RGS7: variants seen among roughly 807,000 people sequenced by gnomAD.
The protein encoded by RGS7 is regulator of G-protein signaling 7.
In RGS7, 27 loss-of-function variants were observed where a neutral mutation model predicts 81.1. The ratio of observed to expected loss-of-function variants is 0.33; its 90% CI spans 0.25 to 0.46. RGS7 has a LOEUF of 0.46. Ranked by LOEUF, RGS7 falls within the 20% of genes least tolerant of loss-of-function variation. The pLI, the probability that RGS7 is intolerant of heterozygous loss-of-function variation, is 1.00. For missense variants in RGS7, 396 were observed against 607.4 expected (o/e 0.65, Z 3.66); for synonymous variants, 208 against 207.7 (o/e 1.00, Z -0.01).
chr1:241,176,031 A>G (rs4660039), intron 2 of RGS7, among the ~76,000 whole-genome samples: 70,798 of 151,670 alleles, frequency 0.47, 16,717 homozygotes, highest in Middle Eastern at 0.52. Flanking sequence ...CACTTTACAA[A>G]TAGGACCTCG....
chr1:241,100,092 T>C (rs1012788405), intron 2 of RGS7, among the ~76,000 whole-genome samples: 10 of 152,092 alleles, frequency 6.6e-5, no homozygotes, highest in African/African-American at 2.4e-4. Context: ...CAAATTTCCA[T>C]TGGCCGGGCG....
chr1:240,882,987 T>A (rs261835), intron 6 of RGS7, among the ~76,000 whole-genome samples: 1 of 150,744 alleles, frequency 6.6e-6, no homozygotes, highest in East Asian at 1.9e-4. Flanking sequence ...TGAGAACATG[T>A]GGTGTTTGGT....
intron 2 of RGS7, among the ~76,000 whole-genome samples, chr1:241,205,653 G>A (rs1355179917): frequency 6.6e-6 from 1 of 151,576 alleles, no homozygotes; most frequent in Non-Finnish European, 1.5e-5. Flanking sequence ...TAGAGACAGA[G>A]TTTCACCATC....
intron 2 of RGS7, among the ~76,000 whole-genome samples, chr1:241,324,711 T>C (rs1321197879): frequency 1.3e-5 from 2 of 152,226 alleles, no homozygotes; most frequent in African/African-American, 2.4e-5. Flanking sequence ...CAGCTTTTCA[T>C]GGTCCTTCCT....
chr1:240,938,323 T>C (rs1676983764), intron 4 of RGS7, among the ~76,000 whole-genome samples: 1 of 152,222 alleles, frequency 6.6e-6, no homozygotes, highest in African/African-American at 2.4e-5. Context: ...TCTTTATGTA[T>C]AATTCATTTA....
Position 241,150,639 on chromosome 1 carries a change from G to A in RGS7, c.79-51877C>T, listed in dbSNP as rs75307691. 1.4e-4 allele frequency among the ~76,000 whole-genome samples: 22 copies of A among 152,264 alleles called. No individual in the cohort carries two copies. The East Asian group carries it at 4.2e-3, about 29-fold the overall frequency. ...TAGACATCTTGATATGTAGCCCCTGGGGTTTGGAAACTGTATTAGTCAGTG... is the reference window on the plus strand; with the variant it reads ...TAGACATCTTGATATGTAGCCCCTGAGGTTTGGAAACTGTATTAGTCAGTG... On this transcript the variant is annotated intron_variant, in intron 2 of 18. Transcript: ENST00000440928.
chr1:240,845,801 A>T (rs985669650), intron 9 of RGS7, among the ~76,000 whole-genome samples: 3 of 152,354 alleles, frequency 2.0e-5, no homozygotes, highest in South Asian at 4.1e-4. Flanking sequence ...GGTGGCATGC[A>T]TTTAACATGT....
At position 241,331,204 on chromosome 1, in the gene RGS7, C is replaced by T. The variant is rs114682445; in HGVS notation, c.78+24495G>A. Among the ~76,000 whole-genome samples, 1,032 of 152,274 alleles carry T rather than the reference C, an allele frequency of 6.8e-3. 9 individuals are homozygous for T. Among genetic ancestry groups the T allele is most frequent in the Middle Eastern group, 0.01 (3 of 294 alleles). On this transcript the variant is annotated intron_variant, in intron 2 of 18. Transcript: ENST00000440928. The stretch of plus-strand genomic sequence containing the variant: ...GTATTTCCACTCACCCATTGTGCTG[C>T]TGATTATTGAACTGGAAGTAACCAC...
At chr1:240,869,510 A>G (rs151305411) in intron 7 of RGS7, among the ~76,000 whole-genome samples, 20 of 152,334 alleles carry the variant, frequency 1.3e-4, no homozygotes, top group African/African-American at 4.8e-4. Context: ...AGAAAATAAG[A>G]TATGCTTCCC....
At chr1:240,926,284 T>C (rs549580617) in intron 6 of RGS7, among the ~76,000 whole-genome samples, 109 of 152,348 alleles carry the variant, frequency 7.2e-4, no homozygotes, top group African/African-American at 2.6e-3. Context: ...AGGTCTTATA[T>C]TAATCTTTAA....
At chr1:241,209,467 T>C (rs2074117700) in intron 2 of RGS7, among the ~76,000 whole-genome samples, 1 of 152,118 alleles carries the variant, frequency 6.6e-6, no homozygotes, top group South Asian at 2.1e-4. Flanking sequence ...ATAATAGTAA[T>C]TGTAATAATG....
At chr1:241,332,526 AGGG>A (rs1022192574) in intron 2 of RGS7, among the ~76,000 whole-genome samples, 8 of 152,162 alleles carry the variant, frequency 5.3e-5, no homozygotes, top group African/African-American at 1.9e-4. Flanking sequence ...AGTCATAGAG[AGGG>A]AGAAAATTCT....
At chr1:240,926,205 G>A (rs1478191260) in intron 6 of RGS7, among the ~76,000 whole-genome samples, 2 of 152,114 alleles carry the variant, frequency 1.3e-5, no homozygotes, top group African/African-American at 4.8e-5. Flanking sequence ...ACTTAGTGAT[G>A]AATTATTTAC....
intron 4 of RGS7, among the ~76,000 whole-genome samples, chr1:240,940,723 A>G (rs1428348287): frequency 6.6e-6 from 1 of 152,082 alleles, no homozygotes; most frequent in Non-Finnish European, 1.5e-5. Context: ...AGGAACAACA[A>G]AAAGCAATTG....
chr1:241,081,034 T>C lies in RGS7; in HGVS notation c.175+17632A>G, dbSNP rs550148304. Among the ~76,000 whole-genome samples the C allele has an allele frequency of 4.6e-5, 7 of 152,332 alleles. No homozygotes were observed. The South Asian group carries it at 8.3e-4, about 18-fold the overall frequency. On this transcript the variant is annotated intron_variant, in intron 3 of 18. Coordinates refer to ENST00000440928, the MANE Select transcript of RGS7 (RefSeq NM_001364886.1). Reference sequence around the variant, plus strand: ...TCACTCAAGACCTTACGTGGTCTTATTGATCACGGGAGCACACTGGAGCGG... The same window carrying C: ...TCACTCAAGACCTTACGTGGTCTTACTGATCACGGGAGCACACTGGAGCGG...
At chr1:240,861,885 A>G (rs921851267) in intron 9 of RGS7, among the ~76,000 whole-genome samples, 2 of 152,188 alleles carry the variant, frequency 1.3e-5, no homozygotes, top group African/African-American at 4.8e-5. Flanking sequence ...CACTTTGACA[A>G]GTAGAAGTTT....
At chr1:240,800,366 T>C (rs1212501357) in intron 18 of RGS7, among the ~76,000 whole-genome samples, 5 of 152,160 alleles carry the variant, frequency 3.3e-5, no homozygotes, top group Non-Finnish European at 5.9e-5. Flanking sequence ...ATATTACTGT[T>C]CAAATTCTTT....
At chr1:240,998,982 G>A (rs72758809) in intron 3 of RGS7, among the ~76,000 whole-genome samples, 9,810 of 152,086 alleles carry the variant, frequency 0.065, 426 homozygotes, top group Non-Finnish European at 0.091. Context: ...CCCAGAGGCC[G>A]TGCTCCTTTT....
At chr1:241,035,999 G>A (rs2060307995) in intron 3 of RGS7, among the ~76,000 whole-genome samples, 1 of 151,990 alleles carries the variant, frequency 6.6e-6, no homozygotes, top group Non-Finnish European at 1.5e-5. Flanking sequence ...CTTCTTTAAG[G>A]ACAGATTATG....
Sources: gnomAD v4.1 joint callset for allele counts (sites outside exome capture counted in the v4.1 genomes callset) on GRCh38, gnomAD v4.1.1 for gene constraint, MANE v1.5 for transcripts, NCBI Gene and HGNC (gene_info 2026-07-23, HGNC 2026-07-21) for gene names.